The following CD163 variants were observed in gnomAD, a reference collection of about 807,000 sequenced individuals.
CD163 encodes the protein CD163 molecule.
In CD163, 64 loss-of-function variants were observed where a neutral mutation model predicts 129.2. The observed-to-expected ratio is 0.50, with a 90% CI of 0.41 to 0.61. The LOEUF is 0.61. Ranked by LOEUF, CD163 falls within the 20% of genes least tolerant of loss-of-function variation. The probability of loss-of-function intolerance (pLI) is 0.00; values close to 1 mark genes in which losing one functional copy is unlikely to be tolerated. For synonymous variants in CD163, 446 were observed against 478.5 expected (o/e 0.93, Z 0.89); for missense variants, 1,061 against 1,377.9 (o/e 0.77, Z 3.64).
intron 6 of CD163, among the ~76,000 whole-genome samples, chr12:7,489,652 C>A (rs1318452750): frequency 6.6e-6 from 1 of 152,044 alleles, no homozygotes; most frequent in Non-Finnish European, 1.5e-5. Flanking sequence ...AAATAATAAT[C>A]ATAATCATAT....
Position 7,496,722 on chromosome 12 carries a change from G to T in CD163, c.1099+91C>A. Reference sequence around the variant, plus strand: ...TTACTAGGCATTTCTACTTCTTAAGGAGCACGTTCCTACTCTTAAGGAGCA... The same window carrying T: ...TTACTAGGCATTTCTACTTCTTAAGTAGCACGTTCCTACTCTTAAGGAGCA... On this transcript the variant is annotated intron_variant, in intron 5 of 16. Transcript: ENST00000432237. This position sits in a 1 kb window ranked among gnomAD's most constrained non-coding sequence, Gnocchi z 4.8. 2.9e-6 allele frequency: 3 copies of T among 1,044,366 alleles called. No individual in the cohort carries two copies. The highest frequency in any genetic ancestry group is 4.4e-6 in the Non-Finnish European group (3 of 685,386). The allele number at this position is 1,044,366 out of a possible 1,614,324, so 64.7% of individuals were successfully genotyped here.
intron 2 of CD163, among the ~76,000 whole-genome samples, chr12:7,501,668 C>T (rs770466410): frequency 7.9e-5 from 12 of 152,258 alleles, no homozygotes; most frequent in African/African-American, 2.6e-4. Context: ...TGCTATATGA[C>T]CAGTAAAGGT....
rs189889132 is a variant in CD163 at position 7,491,772 on chromosome 12, A to G, written c.1420+3309T>C. ...ATTTCTCCATCCTAAGTTAAAAGAC[A>G]GCATAGCTCAAATGAACTGTTTCTT... On this transcript the variant is annotated intron_variant, in intron 6 of 16. Transcript: ENST00000432237. 3.1e-3 allele frequency among the ~76,000 whole-genome samples: 476 copies of G among 152,302 alleles called. 3 individuals carry two copies. Among genetic ancestry groups the G allele is most frequent in the African/African-American group, 0.011 (457 of 41,586 alleles).
At chr12:7,503,208 G>A (rs745625499) in intron 1 of CD163, among the ~76,000 whole-genome samples, 6 of 151,962 alleles carry the variant, frequency 3.9e-5, no homozygotes, top group South Asian at 2.1e-4. Context: ...ATATCTTCTC[G>A]TTACTCTAAC....
At chr12:7,494,267 T>C (rs767120779) in intron 6 of CD163, among the ~76,000 whole-genome samples, 15 of 152,234 alleles carry the variant, frequency 9.9e-5, no homozygotes, top group Non-Finnish European at 2.2e-4. Context: ...TTTTAAAAAG[T>C]AATATAGAAA....
intron 15 of CD163, 115 bp from the exon 16 acceptor site, chr12:7,480,028 A>C: frequency 6.3e-7 from 1 of 1,596,254 alleles, no homozygotes; most frequent in East Asian, 2.2e-5. Flanking sequence ...CTGGGAAATA[A>C]ACCAGACCTC....
chr12:7,499,623 C>A (rs1466225294), intron 3 of CD163, among the ~76,000 whole-genome samples: 1 of 152,156 alleles, frequency 6.6e-6, no homozygotes, highest in African/African-American at 2.4e-5. Context: ...AAGTACTACA[C>A]TGTTTTAGCT....
chr12:7,480,315 A>G (rs1359481624), intron 15 of CD163: 2 of 213,404 alleles, frequency 9.4e-6, no homozygotes, highest in East Asian at 1.6e-4. Context: ...CCAACCCAGT[A>G]AAGTCATCCT....
chr12:7,491,081 A>G (rs1275715284), intron 6 of CD163, among the ~76,000 whole-genome samples: 8 of 152,082 alleles, frequency 5.3e-5, no homozygotes, highest in African/African-American at 1.7e-4. Context: ...GTAACTTCTT[A>G]CTCTTTCATT....
At chr12:7,484,640 A>T (rs1949222557) in intron 11 of CD163, among the ~76,000 whole-genome samples, 1 of 22,318 alleles carries the variant, frequency 4.5e-5, no homozygotes, top group East Asian at 9.1e-4. Flanking sequence ...ACTCTGTCTC[A>T]AAAAAAAAAA....
At chr12:7,488,173 G>A in intron 6 of CD163, 86 bp from the exon 7 acceptor site, 1 of 1,359,266 alleles carries the variant, frequency 7.4e-7, no homozygotes, top group Non-Finnish European at 9.9e-7. Flanking sequence ...GGTGTGGAGT[G>A]GGAAATGGAG....
At chr12:7,478,968 G>A (rs1949124992) in intron 16 of CD163, among the ~76,000 whole-genome samples, 1 of 151,786 alleles carries the variant, frequency 6.6e-6, no homozygotes. Context: ...TATACGTCTT[G>A]TTCACATTTG....
intron 10 of CD163, among the ~76,000 whole-genome samples, chr12:7,486,229 A>G (rs2136706826): frequency 6.6e-6 from 1 of 152,252 alleles, no homozygotes; most frequent in Non-Finnish European, 1.5e-5. Flanking sequence ...TCTGGCCCCA[A>G]ATATATTTAT....
chr12:7,480,217 T>C, intron 15 of CD163: 1 of 395,706 alleles, frequency 2.5e-6, no homozygotes. Context: ...GATGCATAAT[T>C]CTTTGGATGG....
chr12:7,480,130 C>A (rs1301145869), intron 15 of CD163: 4 of 743,960 alleles, frequency 5.4e-6, no homozygotes, highest in Non-Finnish European at 8.4e-6. Context: ...CAGAGAAAGT[C>A]TTTCCTATTT....
At chr12:7,501,044 T>A in intron 3 of CD163, 95 bp downstream of exon 3, 1 of 1,000,166 alleles carries the variant, frequency 1.0e-6, no homozygotes, top group Middle Eastern at 2.2e-4. Flanking sequence ...CTAGATTGCT[T>A]ACAGGAAAGT....
rs771054501 is a variant in CD163 at position 7,486,500 on chromosome 12, T to A, written c.2457A>T (p.Ser819=). The part of the protein sequence containing the change: ...RHKEDAGVIC[S]EFMSLRLTSE... ...CCAAAGGTCATATGCATAATTTACCTGAGCAGATAACTCCCGCATCCTCCT... is the reference window on the plus strand; with the variant it reads ...CCAAAGGTCATATGCATAATTTACCAGAGCAGATAACTCCCGCATCCTCCT... Residue 819 remains serine (S), a splice_region_variant and synonymous_variant, in exon 10 of 17, where the codon TCA becomes TCT. Coordinates refer to ENST00000432237, the MANE Select transcript of CD163 (RefSeq NM_203416.4). The A allele has an allele frequency of 1.2e-6, 2 of 1,612,670 alleles. No homozygotes were observed. Among genetic ancestry groups the A allele is most frequent in the Non-Finnish European group, 1.7e-6 (2 of 1,178,968 alleles).
Position 7,503,637 on chromosome 12 carries a change from GC to G in CD163, c.46+7del, listed in dbSNP as rs1827078373. 6.3e-7 allele frequency: 1 copy of G among 1,582,926 alleles called. No homozygotes were observed. The highest frequency in any genetic ancestry group is 8.7e-7 in the Non-Finnish European group (1 of 1,155,672). On this transcript the variant is annotated splice_region_variant and intron_variant, in intron 1 of 16. Coordinates refer to ENST00000432237, the MANE Select transcript of CD163 (RefSeq NM_203416.4). ...AGGGGAAATGTAGAATAAATGAGAA[GC>G]TTTTACCAGCAGATCCAGAGTCTTC...
intron 6 of CD163, 121 bp from the exon 7 acceptor site, chr12:7,488,208 C>T (rs1048540520): frequency 1.9e-6 from 2 of 1,066,616 alleles, no homozygotes; most frequent in African/African-American, 3.2e-5. Flanking sequence ...TGATTTCCTA[C>T]ACTTGTTTGT....
Sources: allele counts gnomAD v4.1 joint callset (sites outside exome capture counted in the v4.1 genomes callset), GRCh38; gene constraint gnomAD v4.1.1; non-coding constraint Gnocchi (gnomAD v3.1); transcripts MANE v1.5; gene names NCBI Gene and HGNC (gene_info 2026-07-23, HGNC 2026-07-21).